IL1RAPL1: variants seen among roughly 807,000 people sequenced by gnomAD.
IL1RAPL1 encodes interleukin 1 receptor accessory protein like 1.
IL1RAPL1 carries 3 observed loss-of-function variants against 48.4 expected under a neutral mutation model. The observed-to-expected ratio is 0.06, with a 90% CI of 0.03 to 0.16. IL1RAPL1 has a LOEUF of 0.16. Ranked by LOEUF, IL1RAPL1 falls within the 10% of genes least tolerant of loss-of-function variation. The pLI, the probability that IL1RAPL1 is intolerant of heterozygous loss-of-function variation, is 1.00. For missense variants in IL1RAPL1, 349 were observed against 530.6 expected (o/e 0.66, Z 3.36); for synonymous variants, 185 against 187.7 (o/e 0.99, Z 0.12).
chrX:29,563,913 A>G (rs1475957190), intron 5 of IL1RAPL1, among the ~76,000 whole-genome samples: 1 of 112,105 alleles, frequency 8.9e-6, no homozygotes, highest in Non-Finnish European at 1.9e-5. Flanking sequence ...ATCATGATAT[A>G]TGTATTTTTT....
At chrX:29,532,404 T>C (rs150644844) in intron 5 of IL1RAPL1, among the ~76,000 whole-genome samples, 78 of 112,228 alleles carry the variant, frequency 7.0e-4, no homozygotes, top group Middle Eastern at 4.6e-3. Context: ...TGATTCTTAC[T>C]CTCATTAGGT....
At chrX:29,908,050 A>AGTTATATATGTATATATATGTATAT (rs1932677218) in intron 6 of IL1RAPL1, among the ~76,000 whole-genome samples, 1 of 111,157 alleles carries the variant, frequency 9.0e-6, no homozygotes, top group Non-Finnish European at 1.9e-5. Context: ...ACTATAGCTA[A>AGTTATATATGTATATATATGTATAT]ACTGTAAGTA....
intron 3 of IL1RAPL1, among the ~76,000 whole-genome samples, chrX:29,371,171 G>A (rs1303735085): frequency 1.4e-4 from 11 of 79,321 alleles, no homozygotes; most frequent in African/African-American, 3.1e-4. Context: ...TTACTCTGTC[G>A]CCCAGGCTGG....
intron 6 of IL1RAPL1, among the ~76,000 whole-genome samples, chrX:29,690,574 T>C (rs192237657): frequency 1.1e-4 from 12 of 111,759 alleles, no homozygotes; most frequent in Non-Finnish European, 1.9e-4. Context: ...GAGATTATCT[T>C]ACTTTTTCAA....
At chrX:28,643,980 C>T (rs1414045873) in intron 1 of IL1RAPL1, among the ~76,000 whole-genome samples, 1 of 111,936 alleles carries the variant, frequency 8.9e-6, no homozygotes, top group Non-Finnish European at 1.9e-5. Flanking sequence ...AGAATGCAAA[C>T]ATCTTTGCCC....
In IL1RAPL1 at chrX:29,526,942, A is replaced by G. The variant is rs138972099; in HGVS notation, c.703+127634A>G. ...GGTTAAAATGAAAAAATAATGAACA[A>G]AAATATCTGGGAAAAACACTAAAAA... On this transcript the variant is annotated intron_variant, in intron 5 of 10. Coordinates refer to ENST00000378993, the MANE Select transcript of IL1RAPL1 (RefSeq NM_014271.4). 9.8e-3 allele frequency among the ~76,000 whole-genome samples: 1,096 copies of G among 111,927 alleles called. 10 individuals carry two copies. The highest frequency in any genetic ancestry group is 0.014 in the Non-Finnish European group (750 of 53,126).
chrX:28,728,366 G>T (rs1451010906), intron 1 of IL1RAPL1, among the ~76,000 whole-genome samples: 2 of 111,443 alleles, frequency 1.8e-5, no homozygotes, highest in Non-Finnish European at 3.8e-5. Context: ...ATTTGTTCTG[G>T]CAATACCTTT....
At chrX:28,675,527 T>C in intron 1 of IL1RAPL1, among the ~76,000 whole-genome samples, 1 of 112,132 alleles carries the variant, frequency 8.9e-6, no homozygotes, top group African/African-American at 3.2e-5. Context: ...GCTTATATTG[T>C]CCCAATATTT....
intron 5 of IL1RAPL1, among the ~76,000 whole-genome samples, chrX:29,474,688 C>A (rs939224024): frequency 9.0e-6 from 1 of 111,591 alleles, no homozygotes; most frequent in African/African-American, 3.3e-5. Flanking sequence ...TTTAAACAAC[C>A]AGATCTCATG....
intron 1 of IL1RAPL1, among the ~76,000 whole-genome samples, chrX:28,671,420 T>G: frequency 8.9e-6 from 1 of 112,007 alleles, no homozygotes; most frequent in African/African-American, 3.2e-5. Flanking sequence ...ATGATGAAAT[T>G]ACTAGAGTTT....
At chrX:29,920,223 TGCATTAGA>T in intron 8 of IL1RAPL1, 129 bp downstream of exon 8, 3 of 834,189 alleles carry the variant, frequency 3.6e-6, no homozygotes. Flanking sequence ...TAATCATATT[TGCATTAGA>T]GCCACCGAGG....
chrX:29,087,001 G>T (rs1337352585), intron 2 of IL1RAPL1, among the ~76,000 whole-genome samples: 2 of 111,398 alleles, frequency 1.8e-5, no homozygotes, highest in African/African-American at 6.5e-5. Context: ...TATAGAGAAA[G>T]TTCCAGAATT....
chrX:29,930,814 T>TA (rs941754284), intron 8 of IL1RAPL1, among the ~76,000 whole-genome samples: 2 of 111,970 alleles, frequency 1.8e-5, no homozygotes, highest in Non-Finnish European at 3.8e-5. Context: ...GTCTATTTTA[T>TA]AAAAAAACAT....
chrX:29,648,573 A>T (rs1925417225), intron 5 of IL1RAPL1, among the ~76,000 whole-genome samples: 1 of 112,369 alleles, frequency 8.9e-6, no homozygotes, highest in Non-Finnish European at 1.9e-5. Flanking sequence ...AGGAAAATTT[A>T]AATTTTTTAA....
intron 3 of IL1RAPL1, among the ~76,000 whole-genome samples, chrX:29,310,135 G>GAAA (rs763228577): frequency 3.4e-4 from 14 of 41,148 alleles, no homozygotes; most frequent in Admixed American, 5.5e-4. Flanking sequence ...AAAAAGAAAG[G>GAAA]AAAAAAAAAA....
At chrX:29,221,610 TACACACACATACACACACACAC>T (rs1435056431) in intron 2 of IL1RAPL1, among the ~76,000 whole-genome samples, 2 of 61,835 alleles carry the variant, frequency 3.2e-5, no homozygotes, top group Non-Finnish European at 6.2e-5. Flanking sequence ...GAGCAATGTA[TACACACACATACACACACACAC>T]ACACACACAC....
At chrX:28,800,141 G>A (rs944929476) in intron 2 of IL1RAPL1, among the ~76,000 whole-genome samples, 1 of 111,680 alleles carries the variant, frequency 9.0e-6, no homozygotes, top group Non-Finnish European at 1.9e-5. Flanking sequence ...GGTGGCTTCA[G>A]TTTTCCTTGG....
At chrX:29,076,516 A>G (rs1027429116) in intron 2 of IL1RAPL1, among the ~76,000 whole-genome samples, 1 of 111,799 alleles carries the variant, frequency 8.9e-6, no homozygotes, top group Non-Finnish European at 1.9e-5. Flanking sequence ...ATACTTTTCA[A>G]CAAGACAAGG....
chrX:28,625,838 T>C (rs1350121194), intron 1 of IL1RAPL1, among the ~76,000 whole-genome samples: 1 of 111,061 alleles, frequency 9.0e-6, no homozygotes, highest in Non-Finnish European at 1.9e-5. Context: ...TACTAAGTCA[T>C]ACTGCCAAGC....
Sources: gnomAD v4.1 joint callset for allele counts (sites outside exome capture counted in the v4.1 genomes callset) on GRCh38, gnomAD v4.1.1 for gene constraint, MANE v1.5 for transcripts, NCBI Gene and HGNC (gene_info 2026-07-23, HGNC 2026-07-21) for gene names.